RUFY2: variants seen among roughly 807,000 people sequenced by gnomAD.
RUFY2 encodes the protein RUN and FYVE domain-containing protein 2.
In RUFY2, 49 loss-of-function variants were observed where a neutral mutation model predicts 94.4. That is an observed-to-expected ratio of 0.52 (90% CI 0.41 to 0.66). RUFY2 has a LOEUF of 0.66. RUFY2 is among the 30% of genes least tolerant of loss of function. The pLI is 0.00. For missense variants in RUFY2, 541 were observed against 692.8 expected (o/e 0.78, Z 2.46); for synonymous variants, 255 against 235.7 (o/e 1.08, Z -0.75).
At chr10:68,351,041 G>A (rs757794914) in intron 16 of RUFY2, among the ~76,000 whole-genome samples, 10 of 150,130 alleles carry the variant, frequency 6.7e-5, no homozygotes, top group Non-Finnish European at 1.5e-4. Flanking sequence ...TACTATATAT[G>A]CATTCTTATA....
chr10:68,388,637 C>G (rs1054598595), intron 7 of RUFY2, among the ~76,000 whole-genome samples: 1 of 151,904 alleles, frequency 6.6e-6, no homozygotes, highest in East Asian at 1.9e-4. Context: ...GAAGTTTGAA[C>G]CAGCCTGGGC....
intron 16 of RUFY2, 52 bp from the exon 17 acceptor site, chr10:68,346,136 G>T: frequency 7.1e-7 from 1 of 1,401,100 alleles, no homozygotes; most frequent in Non-Finnish European, 9.8e-7. Flanking sequence ...AAAATTAAAT[G>T]TGAAAACTTT....
chr10:68,354,628 A>ATTAAT (rs2046919270), intron 16 of RUFY2, among the ~76,000 whole-genome samples: 1 of 152,200 alleles, frequency 6.6e-6, no homozygotes, highest in Non-Finnish European at 1.5e-5. Flanking sequence ...ACACACATGT[A>ATTAAT]TTAACCTACT....
intron 13 of RUFY2, among the ~76,000 whole-genome samples, chr10:68,376,240 A>T (rs1196121703): frequency 6.6e-6 from 1 of 150,848 alleles, no homozygotes; most frequent in African/African-American, 2.4e-5. Flanking sequence ...AGCCTGGTCA[A>T]CATGGTGAAA....
In RUFY2 at chr10:68,381,408, T is replaced by C. The variant is rs760550018; in HGVS notation, c.940-9A>G. ...AGCTCATTCTCTACATCCTGCAATTTCAATGTATCCTCAATTCACATGCCA... is the reference window on the plus strand; with the variant it reads ...AGCTCATTCTCTACATCCTGCAATTCCAATGTATCCTCAATTCACATGCCA... On this transcript the variant is annotated splice_polypyrimidine_tract_variant and intron_variant, in intron 10 of 17. Coordinates refer to ENST00000602465, the MANE Select transcript of RUFY2 (RefSeq NM_001330103.2). The C allele has an allele frequency of 1.2e-6, 2 of 1,604,502 alleles. No individual in the cohort carries two copies. The highest frequency in any genetic ancestry group is 2.3e-5 in the South Asian group (2 of 88,526).
intron 7 of RUFY2, among the ~76,000 whole-genome samples, chr10:68,390,999 A>T (rs1373656370): frequency 7.0e-6 from 1 of 142,522 alleles, no homozygotes; most frequent in East Asian, 2.1e-4. Context: ...CAATGGCGTG[A>T]TCTCGGCTCA....
At chr10:68,404,000 A>AATATAT (rs1321180098) in intron 2 of RUFY2, among the ~76,000 whole-genome samples, 1 of 152,098 alleles carries the variant, frequency 6.6e-6, no homozygotes, top group Non-Finnish European at 1.5e-5. Flanking sequence ...TTTACTCTAT[A>AATATAT]ATAGTCACTC....
At chr10:68,393,330 C>T (rs1327821683) in intron 6 of RUFY2, 127 bp from the exon 7 acceptor site, 2 of 540,410 alleles carry the variant, frequency 3.7e-6, no homozygotes, top group African/African-American at 3.9e-5. Context: ...TAAAATAAAA[C>T]ATAAGAATAA....
intron 16 of RUFY2, among the ~76,000 whole-genome samples, chr10:68,348,621 C>T (rs1190904965): frequency 6.6e-6 from 1 of 152,110 alleles, no homozygotes; most frequent in African/African-American, 2.4e-5. Flanking sequence ...GTCCCACAGC[C>T]ACCTAGTGGA....
At chr10:68,350,049 G>A (rs999258029) in intron 16 of RUFY2, among the ~76,000 whole-genome samples, 3 of 150,302 alleles carry the variant, frequency 2.0e-5, no homozygotes, top group South Asian at 2.1e-4. Context: ...TCGCTCTGTC[G>A]CCCAGGCTGG....
At chr10:68,406,279 A>C (rs560335183) in intron 1 of RUFY2, among the ~76,000 whole-genome samples, 1 of 152,264 alleles carries the variant, frequency 6.6e-6, no homozygotes, top group South Asian at 2.1e-4. Flanking sequence ...CCTAAAATGC[A>C]AACAGCCACA....
chr10:68,382,250 G>T (rs1374126347), intron 10 of RUFY2, among the ~76,000 whole-genome samples: 1 of 150,734 alleles, frequency 6.6e-6, no homozygotes. Flanking sequence ...TACAGACAGG[G>T]TTTCACCATG....
At chr10:68,379,295 G>A in intron 12 of RUFY2, 129 bp downstream of exon 12, 1 of 671,880 alleles carries the variant, frequency 1.5e-6, no homozygotes, top group Non-Finnish European at 2.4e-6. Context: ...GCAAAATCCT[G>A]CTGGGCTTAA....
chr10:68,341,637 C>CATGGGAGGTTCTGGA (rs1198176589), downstream of RUFY2: 2 of 1,613,560 alleles, frequency 1.2e-6, no homozygotes, highest in Admixed American at 1.7e-5. Context: ...GCGGCTCTGG[C>CATGGGAGGTTCTGGA]ATGGGAGGTT....
chr10:68,346,510 C>A (rs2046284972), intron 16 of RUFY2: 1 of 160,772 alleles, frequency 6.2e-6, no homozygotes, highest in Non-Finnish European at 1.4e-5. Context: ...CTTTTCTATA[C>A]AATTGTATAT....
chr10:68,378,138 T>A, intron 12 of RUFY2: 3 of 985,968 alleles, frequency 3.0e-6, no homozygotes, highest in Non-Finnish European at 2.4e-6. Context: ...GTCTGGGTTA[T>A]AAATTATTTT....
chr10:68,378,499 A>G, intron 12 of RUFY2: 1 of 1,418,652 alleles, frequency 7.0e-7, no homozygotes, highest in Admixed American at 2.9e-5. Context: ...ATTCCTTTCT[A>G]TTTAATATAT....
chr10:68,350,698 C>T (rs910344536), intron 16 of RUFY2, among the ~76,000 whole-genome samples: 3 of 151,420 alleles, frequency 2.0e-5, no homozygotes, highest in African/African-American at 4.8e-5. Context: ...GCGGAGGATA[C>T]GCAGTGTTTT....
intron 16 of RUFY2, 58 bp downstream of exon 16, chr10:68,355,295 T>G: frequency 8.2e-7 from 1 of 1,218,078 alleles, no homozygotes; most frequent in Non-Finnish European, 1.2e-6. Flanking sequence ...ACACAGGGCA[T>G]TACCTTCCAT....
Sources: gnomAD v4.1 joint callset for allele counts (sites outside exome capture counted in the v4.1 genomes callset) on GRCh38, gnomAD v4.1.1 for gene constraint, MANE v1.5 for transcripts, NCBI Gene and HGNC (gene_info 2026-07-23, HGNC 2026-07-21) for gene names.